Variants in PRDM6 observed in about 807,000 individuals in gnomAD.
PRDM6 encodes PR/SET domain 6, also known as putative histone-lysine N-methyltransferase PRDM6.
In PRDM6, 25 loss-of-function variants were observed where a neutral mutation model predicts 60.8. The observed-to-expected ratio is 0.41, with a 90% CI of 0.30 to 0.57. The LOEUF is 0.57. PRDM6 is among the 20% of genes least tolerant of loss of function. The pLI is 0.27. For synonymous variants in PRDM6, 407 were observed against 357.4 expected (o/e 1.14, Z -1.57); for missense variants, 839 against 821.3 (o/e 1.02, Z -0.26).
intron 6 of PRDM6, among the ~76,000 whole-genome samples, chr5:123,173,084 G>T (rs774788125): frequency 2.6e-5 from 4 of 151,950 alleles, no homozygotes; most frequent in Admixed American, 6.6e-5. Context: ...CCAGCTACTT[G>T]GGACGCTGAG....
intron 3 of PRDM6, among the ~76,000 whole-genome samples, chr5:123,113,979 TA>T (rs1398434476): frequency 1.3e-5 from 2 of 152,144 alleles, no homozygotes; most frequent in African/African-American, 4.8e-5. Context: ...GGATGGAAAA[TA>T]CCAACTCTGG....
At chr5:123,134,239 G>A (rs770730252) in intron 3 of PRDM6, among the ~76,000 whole-genome samples, 2 of 151,948 alleles carry the variant, frequency 1.3e-5, no homozygotes, top group African/African-American at 4.8e-5. Flanking sequence ...TGAGTTCCTT[G>A]TTCTCTTTTT....
Position 123,180,339 on chromosome 5 carries a change from C to G in PRDM6, c.1673+16C>G. On this transcript the variant is annotated intron_variant, in intron 7 of 7. Coordinates refer to ENST00000407847, the MANE Select transcript of PRDM6 (RefSeq NM_001136239.4). ...AGCCCTTCAAGTAAGTAGTGGCTAG[C>G]CCTCCACCCTCTCTTTCTCTTAGCC... The G allele has an allele frequency of 6.5e-7, 1 of 1,538,568 alleles. No individual in the cohort carries two copies. Among genetic ancestry groups the G allele is most frequent in the East Asian group, 2.5e-5 (1 of 40,768 alleles).
At chr5:123,177,305 T>A (rs781370106) in intron 6 of PRDM6, among the ~76,000 whole-genome samples, 1 of 152,232 alleles carries the variant, frequency 6.6e-6, no homozygotes, top group Non-Finnish European at 1.5e-5. Context: ...CAGTGTAACT[T>A]CTGTACTTTC....
Position 123,152,306 on chromosome 5 carries a change from G to A in PRDM6, c.901-3578G>A, listed in dbSNP as rs557577947. Reference sequence around the variant, plus strand: ...GTAAGACAGTAGAGAGGTAGAGACTGCAGAACTGGAAAAGCTCAAGCCCAG... The same window carrying A: ...GTAAGACAGTAGAGAGGTAGAGACTACAGAACTGGAAAAGCTCAAGCCCAG... On this transcript the variant is annotated intron_variant, in intron 3 of 7. Coordinates refer to ENST00000407847, the MANE Select transcript of PRDM6 (RefSeq NM_001136239.4). 5.9e-5 allele frequency among the ~76,000 whole-genome samples: 9 copies of A among 152,230 alleles called. No individual in the cohort carries two copies. The South Asian group carries it at 1.7e-3, about 28-fold the overall frequency.
intron 2 of PRDM6, among the ~76,000 whole-genome samples, chr5:123,093,468 A>G (rs962561703): frequency 2.0e-5 from 3 of 152,232 alleles, no homozygotes; most frequent in African/African-American, 7.2e-5. Context: ...AAAACAGCAG[A>G]AACTGCAAGC....
chr5:123,104,990 A>G (rs1764173275), intron 3 of PRDM6, among the ~76,000 whole-genome samples: 1 of 152,236 alleles, frequency 6.6e-6, no homozygotes, highest in African/African-American at 2.4e-5. Context: ...CTTTAAAAAA[A>G]AATTATAACA....
intron 3 of PRDM6, among the ~76,000 whole-genome samples, chr5:123,145,158 T>C (rs1765211704): frequency 6.6e-6 from 1 of 152,246 alleles, no homozygotes; most frequent in African/African-American, 2.4e-5. Context: ...TGCCTCTCTT[T>C]AAGTCCTGAG....
chr5:123,182,991 A>G (rs558973041), intron 7 of PRDM6, among the ~76,000 whole-genome samples: 7 of 152,382 alleles, frequency 4.6e-5, no homozygotes, highest in Non-Finnish European at 8.8e-5. Context: ...GGAATCTTCC[A>G]ACCATAGCTC....
intron 3 of PRDM6, among the ~76,000 whole-genome samples, chr5:123,140,380 G>T (rs1384393843): frequency 6.6e-6 from 1 of 151,818 alleles, no homozygotes; most frequent in East Asian, 1.9e-4. Flanking sequence ...AAATTTTTAG[G>T]GTTATGTGAT....
chr5:123,099,840 A>G lies in PRDM6; in HGVS notation c.779A>G (p.Tyr260Cys), dbSNP rs1764058007. The G allele has an allele frequency of 1.3e-6, 2 of 1,550,512 alleles. No individual in the cohort carries two copies. The highest frequency in any genetic ancestry group is 1.7e-6 in the Non-Finnish European group (2 of 1,146,822). The change falls in exon 3 of 8, where the codon TAC (tyrosine) becomes TGC (cysteine). Residue 260 changes from tyrosine to cysteine, a missense_variant. This residue lies in a region of PRDM6 where 730 missense variants were observed against 648.8 expected (regional missense o/e 1.13). Transcript: ENST00000407847. This position sits in a 1 kb window ranked among gnomAD's most constrained non-coding sequence, Gnocchi z 4.0. ...LCTSTVPGLA[Y>C]GICAAQRIQQ... The stretch of plus-strand genomic sequence containing the variant: ...ACCAGTACTGTGCCCGGCCTGGCCT[A>G]CGGCATCTGCGCGGCGCAGAGGATC...
At chr5:123,097,340 A>C (rs1450374910) in intron 2 of PRDM6, among the ~76,000 whole-genome samples, 1 of 152,194 alleles carries the variant, frequency 6.6e-6, no homozygotes, top group Non-Finnish European at 1.5e-5. Flanking sequence ...CAATTGAGTC[A>C]TGAGTTTGAA....
At chr5:123,112,567 T>G (rs1056662503) in intron 3 of PRDM6, among the ~76,000 whole-genome samples, 1 of 152,182 alleles carries the variant, frequency 6.6e-6, no homozygotes, top group Non-Finnish European at 1.5e-5. Context: ...CCAAAAGCGA[T>G]GCTCTCAGAT....
intron 7 of PRDM6, among the ~76,000 whole-genome samples, chr5:123,181,328 CAGT>C (rs1356058045): frequency 6.6e-6 from 1 of 152,174 alleles, no homozygotes; most frequent in Non-Finnish European, 1.5e-5. Flanking sequence ...TGATGTTTCA[CAGT>C]AGCACAGAAA....
intron 7 of PRDM6, among the ~76,000 whole-genome samples, chr5:123,183,027 G>T (rs575899802): frequency 2.9e-4 from 44 of 152,262 alleles, no homozygotes; most frequent in Non-Finnish European, 5.0e-4. Flanking sequence ...ATGGACATTT[G>T]TAAATATTAT....
At chr5:123,153,066 A>T (rs1252804497) in intron 3 of PRDM6, among the ~76,000 whole-genome samples, 1 of 152,232 alleles carries the variant, frequency 6.6e-6, no homozygotes, top group Non-Finnish European at 1.5e-5. Flanking sequence ...CAGCAACAAC[A>T]ATCACAAAAG....
rs1763931618 is a variant in PRDM6 at position 123,095,312 on chromosome 5, C to A, written c.593-4342C>A. ...GCGGGGTGGGACCTTCAAAACTCAG[C>A]CTTCGGCGCTGAGGCCTGGGCGCCC... On this transcript the variant is annotated intron_variant, in intron 2 of 7. Coordinates refer to ENST00000407847, the MANE Select transcript of PRDM6 (RefSeq NM_001136239.4). Among the ~76,000 whole-genome samples the A allele has an allele frequency of 2.6e-5, 4 of 152,250 alleles. No homozygotes were observed. In the South Asian group the frequency reaches 8.3e-4, roughly 32 times the overall value.
chr5:123,121,020 A>T (rs1463185193), intron 3 of PRDM6, among the ~76,000 whole-genome samples: 1 of 152,216 alleles, frequency 6.6e-6, no homozygotes, highest in Non-Finnish European at 1.5e-5. Context: ...TGTTTTAAAG[A>T]TCTGTGAGTT....
At position 123,090,188 on chromosome 5, in the gene PRDM6, C is replaced by CCCGGAGCGCGCTGAGCCTCCG. The variant is rs1187614716; in HGVS notation, c.180_200dup (p.Glu60_Pro66dup). On this transcript the variant is annotated inframe_insertion, in exon 2 of 8. Coordinates refer to ENST00000407847, the MANE Select transcript of PRDM6 (RefSeq NM_001136239.4). ...TTCAGCCGCCGCCGCCGCCCCCGCC[C>CCCGGAGCGCGCTGAGCCTCCG]CCGGAGCGCGCTGAGCCTCCGCCGG... The CCCGGAGCGCGCTGAGCCTCCG allele has an allele frequency of 5.4e-6, 8 of 1,487,260 alleles. No individual in the cohort carries two copies. The highest frequency in any genetic ancestry group is 2.6e-5 in the South Asian group (2 of 77,440). 92.1% of individuals were successfully genotyped at this position (1,487,260 alleles called of 1,614,324 possible).
Sources: gnomAD v4.1 joint callset for allele counts (sites outside exome capture counted in the v4.1 genomes callset) on GRCh38, gnomAD v4.1.1 for gene constraint, gnomAD v4.1.1 regional missense constraint, Gnocchi (gnomAD v3.1) non-coding constraint, MANE v1.5 for transcripts, NCBI Gene and HGNC (gene_info 2026-07-23, HGNC 2026-07-21) for gene names.